Variants in VPS4B observed in about 807,000 individuals in gnomAD.
The protein encoded by VPS4B is vacuolar protein sorting 4 homolog B.
VPS4B carries 23 observed loss-of-function variants against 56.1 expected under a neutral mutation model. The observed-to-expected ratio is 0.41, with a 90% confidence interval of 0.30 to 0.58. The LOEUF (loss-of-function observed/expected upper bound fraction) is 0.58, where lower values mean the gene tolerates loss of function less well. Ranked by LOEUF, VPS4B falls within the 20% of genes least tolerant of loss-of-function variation. VPS4B has a pLI of 0.29. For synonymous variants in VPS4B, 177 were observed against 186.0 expected (o/e 0.95, Z 0.39); for missense variants, 372 against 531.9 (o/e 0.70, Z 2.96).
chr18:63,413,785 A>G (rs1478995908), intron 1 of VPS4B, among the ~76,000 whole-genome samples: 1 of 152,212 alleles, frequency 6.6e-6, no homozygotes, highest in Non-Finnish European at 1.5e-5. Flanking sequence ...GGGGCAGTTG[A>G]GCATGGATTG....
At chr18:63,409,211 T>C (rs988994607) in intron 3 of VPS4B, among the ~76,000 whole-genome samples, 1 of 152,192 alleles carries the variant, frequency 6.6e-6, no homozygotes, top group African/African-American at 2.4e-5. Context: ...ATATAAAACC[T>C]TGAGCTTAAG....
chr18:63,409,166 A>G (rs1177050821), intron 3 of VPS4B, among the ~76,000 whole-genome samples: 1 of 152,058 alleles, frequency 6.6e-6, no homozygotes, highest in Non-Finnish European at 1.5e-5. Flanking sequence ...TGTCACAGAA[A>G]CTCCCTGGTT....
At chr18:63,406,522 T>A (rs1915920840) in intron 4 of VPS4B, among the ~76,000 whole-genome samples, 1 of 152,198 alleles carries the variant, frequency 6.6e-6, no homozygotes, top group Non-Finnish European at 1.5e-5. Context: ...AAGATTCAAA[T>A]GAACAAAATA....
Position 63,390,345 on chromosome 18 carries a change from A to G in VPS4B, c.*630T>C, listed in dbSNP as rs1417613720. 6.5e-6 allele frequency: 1 copy of G among 152,688 alleles called. No individual in the cohort carries two copies. Among genetic ancestry groups the G allele is most frequent in the Non-Finnish European group, 1.5e-5 (1 of 68,098 alleles). The allele number at this position is 152,688 out of a possible 1,614,324, so 9.5% of individuals were successfully genotyped here. On this transcript the variant is annotated 3_prime_UTR_variant, in exon 11 of 11. Transcript: ENST00000238497. The stretch of plus-strand genomic sequence containing the variant: ...CATCGTAGCCTCCCAAAGTGCTGGG[A>G]TTACAGGCATAAGCCACCATGCCCA...
intron 1 of VPS4B, among the ~76,000 whole-genome samples, chr18:63,417,761 TC>T (rs1916202233): frequency 6.6e-6 from 1 of 152,188 alleles, no homozygotes. Context: ...TTCTTTATAT[TC>T]CCAGAGTCTA....
rs541482379 is a variant in VPS4B, at chr18:63,412,780, G to A, written c.28-1202C>T. 3.9e-5 allele frequency among the ~76,000 whole-genome samples: 6 copies of A among 152,194 alleles called. No individual in the cohort carries two copies. The East Asian group carries it at 1.2e-3, about 29-fold the overall frequency. On this transcript the variant is annotated intron_variant, in intron 1 of 10. Coordinates refer to ENST00000238497, the MANE Select transcript of VPS4B (RefSeq NM_004869.4). ...GGGCTCAGGTGATCATCCTGCATCA[G>A]CCTCCCCAAATAGCAGGATCACAAG...
chr18:63,398,580 G>GT (rs1477339879), intron 8 of VPS4B, among the ~76,000 whole-genome samples: 3 of 151,810 alleles, frequency 2.0e-5, no homozygotes, highest in Admixed American at 6.6e-5. Flanking sequence ...GCTCACATCT[G>GT]TAATTCCAGC....
chr18:63,391,230 C>CT (rs11425099), intron 10 of VPS4B, among the ~76,000 whole-genome samples, 154 bp from the exon 11 acceptor site: 69,874 of 141,378 alleles, frequency 0.49, 17,524 homozygotes, highest in East Asian at 0.8. Flanking sequence ...ACTCCCTATT[C>CT]TTTTTTTTTT....
intron 1 of VPS4B, among the ~76,000 whole-genome samples, chr18:63,413,681 AGTT>A (rs1916097352): frequency 6.6e-6 from 1 of 152,232 alleles, no homozygotes; most frequent in African/African-American, 2.4e-5. Context: ...GAAAATTGAC[AGTT>A]GTTAGAGATA....
intron 2 of VPS4B, among the ~76,000 whole-genome samples, chr18:63,411,142 T>C (rs1916032056): frequency 6.6e-6 from 1 of 152,222 alleles, no homozygotes; most frequent in African/African-American, 2.4e-5. Context: ...ACCATTTCTT[T>C]CCATTGTATC....
At chr18:63,419,366 GAGAT>G (rs1916241887) in intron 1 of VPS4B, among the ~76,000 whole-genome samples, 2 of 151,780 alleles carry the variant, frequency 1.3e-5, no homozygotes, top group African/African-American at 4.8e-5. Context: ...ACCATAAGCC[GAGAT>G]CATGCCACTG....
intron 1 of VPS4B, 71 bp from the exon 2 acceptor site, chr18:63,411,649 C>A (rs1326197460): frequency 2.7e-6 from 3 of 1,114,954 alleles, no homozygotes; most frequent in Non-Finnish European, 2.3e-6. Context: ...AATAATCATA[C>A]TGAAAGTTTT....
At chr18:63,401,253 C>A (rs200730683) in intron 5 of VPS4B, among the ~76,000 whole-genome samples, 7 of 149,326 alleles carry the variant, frequency 4.7e-5, no homozygotes, top group Admixed American at 6.6e-5. Flanking sequence ...AGCAGACTTT[C>A]TTTTATTTTA....
chr18:63,398,157 G>GTATA (rs1357464199), intron 8 of VPS4B, among the ~76,000 whole-genome samples: 7 of 150,232 alleles, frequency 4.7e-5, no homozygotes, highest in Non-Finnish European at 1.0e-4. Context: ...ATGTGTGTGT[G>GTATA]TATACATATA....
At position 63,418,958 on chromosome 18, in the gene VPS4B, A is replaced by G. The variant is rs1039656870; in HGVS notation, c.27+3275T>C. Among the ~76,000 whole-genome samples the G allele has an allele frequency of 3.3e-5, 5 of 152,216 alleles. No individual in the cohort carries two copies. In the South Asian group the frequency reaches 1.0e-3, roughly 31 times the overall value. ...ACATTTCCATTTGATTGTCTCCACAAGCATCTCAAACTCGACAAGTTTAGA... is the reference window on the plus strand; with the variant it reads ...ACATTTCCATTTGATTGTCTCCACAGGCATCTCAAACTCGACAAGTTTAGA... On this transcript the variant is annotated intron_variant, in intron 1 of 10. Coordinates refer to ENST00000238497, the MANE Select transcript of VPS4B (RefSeq NM_004869.4).
intron 5 of VPS4B, among the ~76,000 whole-genome samples, chr18:63,402,297 G>A (rs563072081): frequency 1.3e-5 from 2 of 152,094 alleles, no homozygotes; most frequent in Non-Finnish European, 2.9e-5. Flanking sequence ...AAGGCACAAA[G>A]CAGTCTTTTC....
chr18:63,410,139 G>T, intron 3 of VPS4B, 151 bp downstream of exon 3: 1 of 998,854 alleles, frequency 1.0e-6, no homozygotes, highest in Non-Finnish European at 1.5e-6. Flanking sequence ...AATGGGCACG[G>T]CTGTGTTCTG....
At chr18:63,406,404 TAG>T (rs1420402828) in intron 4 of VPS4B, among the ~76,000 whole-genome samples, 13 of 152,212 alleles carry the variant, frequency 8.5e-5, no homozygotes, top group African/African-American at 2.7e-4. Context: ...ACGAAGACAC[TAG>T]TATAGCAAGG....
chr18:63,409,061 C>T lies in VPS4B; in HGVS notation c.296+1229G>A, dbSNP rs1222083627. On this transcript the variant is annotated intron_variant, in intron 3 of 10. Coordinates refer to ENST00000238497, the MANE Select transcript of VPS4B (RefSeq NM_004869.4). ...AATGTCCTCACTTTCATATAAGAAA[C>T]CCTAAGTTGGAATTCAGTAATTTGT... 2.6e-5 allele frequency among the ~76,000 whole-genome samples: 4 copies of T among 152,258 alleles called. No homozygotes were observed. In the East Asian group the frequency reaches 7.7e-4, roughly 29 times the overall value.
Sources: allele counts gnomAD v4.1 joint callset (sites outside exome capture counted in the v4.1 genomes callset), GRCh38; gene constraint gnomAD v4.1.1; transcripts MANE v1.5; gene names NCBI Gene and HGNC (gene_info 2026-07-23, HGNC 2026-07-21).